HACE1: variants seen among roughly 807,000 people sequenced by gnomAD.
The protein encoded by HACE1 is E3 ubiquitin-protein ligase HACE1.
Under a neutral mutation model 118.4 loss-of-function variants are expected in HACE1, and 73 were observed. That is an observed-to-expected ratio of 0.62 (90% confidence interval 0.51 to 0.75). HACE1 has a LOEUF of 0.75. HACE1 is among the 30% of genes least tolerant of loss of function. The probability of loss-of-function intolerance (pLI) is 0.00; values close to 1 mark genes in which losing one functional copy is unlikely to be tolerated. For missense variants in HACE1, 749 were observed against 1,102.2 expected (o/e 0.68, Z 4.54); for synonymous variants, 368 against 374.8 (o/e 0.98, Z 0.21).
rs1478327456 is a variant in HACE1 at position 104,841,145 on chromosome 6, G to A, written c.402+2078C>T. On this transcript the variant is annotated intron_variant, in intron 5 of 23. Coordinates refer to ENST00000262903, the MANE Select transcript of HACE1 (RefSeq NM_020771.4). The stretch of plus-strand genomic sequence containing the variant: ...AAAAAAAAAAAAAAAATAGCTGAGA[G>A]AAGTTGTTTAGGGAGTGGGAAGTTT... Among the ~76,000 whole-genome samples, 3 of 151,806 alleles carry A rather than the reference G, an allele frequency of 2.0e-5. No homozygotes were observed. The East Asian group carries it at 5.8e-4, about 29-fold the overall frequency.
intron 17 of HACE1, 29 bp downstream of exon 17, chr6:104,776,712 G>T (rs1464159109): frequency 3.7e-6 from 5 of 1,342,448 alleles, no homozygotes; most frequent in Non-Finnish European, 5.4e-6. Context: ...ACAAGTTGCA[G>T]AAAAAGTCAT....
At chr6:104,830,406 G>C (rs972948347) in intron 6 of HACE1, among the ~76,000 whole-genome samples, 13 of 152,064 alleles carry the variant, frequency 8.5e-5, no homozygotes, top group African/African-American at 3.1e-4. Flanking sequence ...AAATGCAAAT[G>C]AACAATGGTG....
At chr6:104,754,399 G>C (rs1189799970) in intron 19 of HACE1, among the ~76,000 whole-genome samples, 3 of 152,088 alleles carry the variant, frequency 2.0e-5, no homozygotes, top group Non-Finnish European at 4.4e-5. Flanking sequence ...AGGAAATGCA[G>C]AGAACCCCAG....
chr6:104,859,703 A>T lies in HACE1; in HGVS notation c.-61T>A, dbSNP rs1484883199. The T allele has an allele frequency of 2.1e-6, 3 of 1,414,102 alleles. No homozygotes were observed. Among genetic ancestry groups the T allele is most frequent in the Non-Finnish European group, 2.9e-6 (3 of 1,042,170 alleles). The allele number at this position is 1,414,102 out of a possible 1,614,324, so 87.6% of individuals were successfully genotyped here. A position where few individuals can be genotyped will look rare whatever the true frequency, so the allele number is the denominator to read the frequency against. ...CGCCCCACCGGCGGCCTCCGCGCCCAGAGCCCTACATCTCGCCTGGGCCCG... is the reference window on the plus strand; with the variant it reads ...CGCCCCACCGGCGGCCTCCGCGCCCTGAGCCCTACATCTCGCCTGGGCCCG... On this transcript the variant is annotated 5_prime_UTR_variant, in exon 1 of 24. Transcript: ENST00000262903.
intron 11 of HACE1, among the ~76,000 whole-genome samples, chr6:104,788,869 A>G (rs1198642731): frequency 6.6e-6 from 1 of 152,158 alleles, no homozygotes; most frequent in Non-Finnish European, 1.5e-5. Flanking sequence ...CAGAAAACTA[A>G]TAACAGGATG....
At chr6:104,848,668 G>A (rs1279415624) in intron 4 of HACE1, among the ~76,000 whole-genome samples, 2 of 152,004 alleles carry the variant, frequency 1.3e-5, no homozygotes, top group Non-Finnish European at 2.9e-5. Flanking sequence ...CAAATAAACT[G>A]TGTACAATAT....
intron 6 of HACE1, among the ~76,000 whole-genome samples, chr6:104,826,961 AT>A (rs1773402499): frequency 6.6e-6 from 1 of 152,176 alleles, no homozygotes; most frequent in African/African-American, 2.4e-5. Context: ...AGCATAGGGG[AT>A]TTTCATATGG....
At chr6:104,800,498 C>G (rs1770209314) in intron 7 of HACE1, among the ~76,000 whole-genome samples, 1 of 152,128 alleles carries the variant, frequency 6.6e-6, no homozygotes, top group Non-Finnish European at 1.5e-5. Context: ...GGGTGCCCCT[C>G]TGGGATGAAG....
rs185591075 is a variant in HACE1 at position 104,793,933 on chromosome 6, A to G, written c.923+1646T>C. 2.4e-3 allele frequency among the ~76,000 whole-genome samples: 372 copies of G among 152,356 alleles called. 1 individual carries two copies. Among genetic ancestry groups the G allele is most frequent in the African/African-American group, 8.7e-3 (362 of 41,594 alleles). On this transcript the variant is annotated intron_variant, in intron 10 of 23. Transcript: ENST00000262903. ...AAGGTAGCACCATAAGTGGTGAGAG[A>G]GCACAGTTTAGCAGAGTAATTTTTT...
chr6:104,816,993 C>T (rs1772188419), intron 6 of HACE1, among the ~76,000 whole-genome samples: 1 of 152,280 alleles, frequency 6.6e-6, no homozygotes, highest in South Asian at 2.1e-4. Context: ...ATTTCTCCCA[C>T]TTGGAGCATT....
intron 19 of HACE1, among the ~76,000 whole-genome samples, chr6:104,760,023 T>A (rs1779164321): frequency 6.6e-6 from 1 of 151,994 alleles, no homozygotes; most frequent in Non-Finnish European, 1.5e-5. Context: ...TCTGAATATA[T>A]CAATAAGAGG....
At chr6:104,834,981 A>T (rs1408997595) in intron 5 of HACE1, among the ~76,000 whole-genome samples, 1 of 152,254 alleles carries the variant, frequency 6.6e-6, no homozygotes, top group Admixed American at 6.5e-5. Context: ...TGAACAAAGA[A>T]TACCACACTA....
chr6:104,732,611 T>C (rs1374250009), intron 22 of HACE1, among the ~76,000 whole-genome samples: 1 of 152,136 alleles, frequency 6.6e-6, no homozygotes, highest in Non-Finnish European at 1.5e-5. Context: ...AGAAGATGGA[T>C]GGTGGTGATA....
intron 17 of HACE1, among the ~76,000 whole-genome samples, chr6:104,774,916 G>C (rs1194752290): frequency 6.6e-6 from 1 of 152,134 alleles, no homozygotes; most frequent in Non-Finnish European, 1.5e-5. Context: ...CCCACATTTA[G>C]AAATTCTTGA....
At chr6:104,823,015 A>T (rs2486144) in intron 6 of HACE1, among the ~76,000 whole-genome samples, 8 of 152,188 alleles carry the variant, frequency 5.3e-5, no homozygotes, top group Non-Finnish European at 1.0e-4. Context: ...TAGAAAAAAA[A>T]CATGATTTAC....
intron 6 of HACE1, among the ~76,000 whole-genome samples, chr6:104,823,424 T>A (rs1772991740): frequency 6.6e-6 from 1 of 150,486 alleles, no homozygotes; most frequent in Non-Finnish European, 1.5e-5. Context: ...ACAGCGAGAC[T>A]CTGTCTCAAA....
chr6:104,851,191 C>T lies in HACE1; in HGVS notation c.132-195G>A, dbSNP rs976080153. Among the ~76,000 whole-genome samples, 5 of 152,214 alleles carry T rather than the reference C, an allele frequency of 3.3e-5. No homozygotes were observed. The South Asian group carries it at 1.0e-3, about 32-fold the overall frequency. Reference sequence around the variant, plus strand: ...CTCCACCTCCCTGGTTCAAGCAATTCTCCTGCCTCAGCCTCCCGAGTAGCC... The same window carrying T: ...CTCCACCTCCCTGGTTCAAGCAATTTTCCTGCCTCAGCCTCCCGAGTAGCC... On this transcript the variant is annotated intron_variant, in intron 2 of 23. Coordinates refer to ENST00000262903, the MANE Select transcript of HACE1 (RefSeq NM_020771.4).
intron 10 of HACE1, among the ~76,000 whole-genome samples, chr6:104,792,274 C>A (rs1783108193): frequency 6.6e-6 from 1 of 151,948 alleles, no homozygotes; most frequent in African/African-American, 2.4e-5. Flanking sequence ...TATTTGCCTA[C>A]CATGAAAAAA....
chr6:104,753,276 A>T (rs889693231), intron 19 of HACE1, among the ~76,000 whole-genome samples: 1 of 152,172 alleles, frequency 6.6e-6, no homozygotes, highest in East Asian at 1.9e-4. Flanking sequence ...GGTGACTGCC[A>T]TGTCTGGGGT....
Sources: gnomAD v4.1 joint callset for allele counts (sites outside exome capture counted in the v4.1 genomes callset) on GRCh38, gnomAD v4.1.1 for gene constraint, MANE v1.5 for transcripts, NCBI Gene and HGNC (gene_info 2026-07-23, HGNC 2026-07-21) for gene names.